ESR1: variants seen among roughly 807,000 people sequenced by gnomAD.
ESR1 encodes the protein estrogen receptor.
ESR1 carries 12 observed loss-of-function variants against 52.7 expected under a neutral mutation model. The observed-to-expected ratio is 0.23, with a 90% CI of 0.15 to 0.37. The LOEUF is 0.37. Among genes scored for constraint, ESR1 ranks in the 10% least tolerant of loss-of-function variants. The probability of loss-of-function intolerance (pLI) is 1.00; values close to 1 mark genes in which losing one functional copy is unlikely to be tolerated. For missense variants in ESR1, 584 were observed against 779.7 expected, an observed-to-expected ratio of 0.75 and a Z score of 2.99; for synonymous variants, 305 against 316.8, an observed-to-expected ratio of 0.96 and a Z score of 0.39.
At chr6:151,827,639 T>A (rs1781734551) in intron 1 of ESR1, among the ~76,000 whole-genome samples, 1 of 152,224 alleles carries the variant, frequency 6.6e-6, no homozygotes, top group African/African-American at 2.4e-5. Flanking sequence ...ATGATGACTA[T>A]TTTTAAAAGT....
At chr6:151,852,637 G>GGGTTT (rs1786992375) in intron 2 of ESR1, among the ~76,000 whole-genome samples, 1 of 100,684 alleles carries the variant, frequency 9.9e-6, no homozygotes, top group Non-Finnish European at 2.4e-5. Context: ...AACCAAGCAG[G>GGGTTT]TGTTTTTTTT....
At chr6:151,721,054 T>C (rs184199464) in intron 2 of ESR1, among the ~76,000 whole-genome samples, 1 of 152,358 alleles carries the variant, frequency 6.6e-6, no homozygotes, top group East Asian at 1.9e-4. Context: ...TTTGTAGGAT[T>C]GAAATAAGTC....
chr6:151,822,563 G>A (rs965389677), intron 1 of ESR1, among the ~76,000 whole-genome samples: 1 of 152,162 alleles, frequency 6.6e-6, no homozygotes, highest in African/African-American at 2.4e-5. Context: ...CTCCTTGGGA[G>A]ATGATCATTT....
At chr6:152,002,951 ATT>A (rs2042070651) in intron 4 of ESR1, among the ~76,000 whole-genome samples, 1 of 152,004 alleles carries the variant, frequency 6.6e-6, no homozygotes, top group African/African-American at 2.4e-5. Context: ...AAGTATTATA[ATT>A]GTTTATTTGG....
intron 2 of ESR1, among the ~76,000 whole-genome samples, chr6:151,724,302 A>G (rs1170585828): frequency 2.6e-5 from 4 of 152,160 alleles, no homozygotes; most frequent in Non-Finnish European, 5.9e-5. Context: ...AATGAAGTGA[A>G]GGCTATCATG....
At chr6:152,002,740 C>G (rs1235318958) in intron 4 of ESR1, among the ~76,000 whole-genome samples, 1 of 151,802 alleles carries the variant, frequency 6.6e-6, no homozygotes, top group Non-Finnish European at 1.5e-5. Context: ...AAATTGATTT[C>G]TTTCTGAGCG....
intron 1 of ESR1, among the ~76,000 whole-genome samples, chr6:151,665,821 C>T (rs541998078): frequency 6.6e-6 from 1 of 152,318 alleles, no homozygotes; most frequent in East Asian, 1.9e-4. Flanking sequence ...GAGACATTAT[C>T]TCAAATTATT....
At chr6:151,945,256 T>A (rs2035571332) in intron 4 of ESR1, among the ~76,000 whole-genome samples, 1 of 152,114 alleles carries the variant, frequency 6.6e-6, no homozygotes, top group South Asian at 2.1e-4. Flanking sequence ...AAGAGAAAGA[T>A]CTTTATGGAT....
chr6:152,089,073 G>A (rs1282577178), intron 6 of ESR1, among the ~76,000 whole-genome samples: 1 of 152,110 alleles, frequency 6.6e-6, no homozygotes, highest in Non-Finnish European at 1.5e-5. Flanking sequence ...CTTTGGATGA[G>A]CAATGGAGAA....
At chr6:151,999,475 T>G (rs2041777609) in intron 4 of ESR1, among the ~76,000 whole-genome samples, 1 of 152,140 alleles carries the variant, frequency 6.6e-6, no homozygotes, top group African/African-American at 2.4e-5. Flanking sequence ...TTTAAAAATC[T>G]GTTTGTCTTA....
At chr6:151,948,917 A>G (rs1042410581) in intron 4 of ESR1, among the ~76,000 whole-genome samples, 3 of 152,162 alleles carry the variant, frequency 2.0e-5, no homozygotes, top group African/African-American at 7.2e-5. Flanking sequence ...AAATGAGCAG[A>G]TTTGAGCTCA....
chr6:151,683,203 C>T (rs1035125262), intron 1 of ESR1, among the ~76,000 whole-genome samples: 9 of 152,002 alleles, frequency 5.9e-5, no homozygotes, highest in East Asian at 1.9e-4. Context: ...AATACTTTGA[C>T]GGTATTGGGA....
At chr6:151,777,652 C>G (rs1246784377) in intron 2 of ESR1, among the ~76,000 whole-genome samples, 1 of 151,988 alleles carries the variant, frequency 6.6e-6, no homozygotes, top group Admixed American at 6.6e-5. Flanking sequence ...AAGTGGGTGA[C>G]CATGGGTGAT....
intron 2 of ESR1, among the ~76,000 whole-genome samples, chr6:151,780,792 T>TA (rs1786475578): frequency 1.3e-5 from 2 of 152,336 alleles, no homozygotes; most frequent in Admixed American, 1.3e-4. Flanking sequence ...CCAAAACTCT[T>TA]ACCCTAGTTC....
intron 6 of ESR1, among the ~76,000 whole-genome samples, chr6:152,072,595 G>C (rs935173152): frequency 1.3e-5 from 2 of 152,174 alleles, no homozygotes; most frequent in African/African-American, 4.8e-5. Flanking sequence ...TGTTGGTTCA[G>C]AAAGTGCCCT....
intron 3 of ESR1, among the ~76,000 whole-genome samples, chr6:151,892,962 G>A (rs1794910254): frequency 6.6e-6 from 1 of 152,226 alleles, no homozygotes; most frequent in Admixed American, 6.5e-5. Context: ...GCCGAGCTGG[G>A]TGGATCACTT....
intron 3 of ESR1, among the ~76,000 whole-genome samples, chr6:151,913,361 C>A (rs1213336642): frequency 1.3e-5 from 2 of 152,152 alleles, no homozygotes; most frequent in African/African-American, 4.8e-5. Flanking sequence ...TCATTATGCT[C>A]ATTTGTCTTT....
chr6:151,922,022 A>C (rs2031793855), intron 3 of ESR1, among the ~76,000 whole-genome samples: 1 of 152,036 alleles, frequency 6.6e-6, no homozygotes, highest in African/African-American at 2.4e-5. Flanking sequence ...CTGTGCCTAT[A>C]TATTTATTGC....
intron 5 of ESR1, among the ~76,000 whole-genome samples, chr6:152,025,751 A>C (rs1205568284): frequency 4.0e-5 from 6 of 151,860 alleles, no homozygotes; most frequent in Non-Finnish European, 7.4e-5. Flanking sequence ...CTTTAGCTTT[A>C]TTAAATCCTT....
Sources: allele counts gnomAD v4.1 joint callset (sites outside exome capture counted in the v4.1 genomes callset), GRCh38; gene constraint gnomAD v4.1.1; transcripts MANE v1.5; gene names NCBI Gene and HGNC (gene_info 2026-07-23, HGNC 2026-07-21).